Variants in SPATA33 observed in about 807,000 individuals in gnomAD.
The protein encoded by SPATA33 is spermatogenesis associated 33.
In SPATA33, 10 loss-of-function variants were observed where a neutral mutation model predicts 8.9. The ratio of observed to expected loss-of-function variants is 1.12; its 90% confidence interval spans 0.69 to 1.90. The LOEUF (loss-of-function observed/expected upper bound fraction) is 1.90, where lower values mean the gene tolerates loss of function less well. SPATA33 is among the 40% of genes most tolerant of loss of function. SPATA33 has a pLI of 0.00. For missense variants in SPATA33, 241 were observed against 178.3 expected, an observed-to-expected ratio of 1.35 and a Z score of -2.00; for synonymous variants, 96 against 72.8, an observed-to-expected ratio of 1.32 and a Z score of -1.63.
chr16:89,660,283 G>A (rs780422141), intron 2 of SPATA33: 127 of 393,392 alleles, frequency 3.2e-4, no homozygotes, highest in African/African-American at 2.3e-3. Context: ...GGAAGGCTTC[G>A]CCTGCCCAGC....
chr16:89,663,241 CTTTTT>C (rs35836835), intron 2 of SPATA33, among the ~76,000 whole-genome samples: 1 of 138,184 alleles, frequency 7.2e-6, no homozygotes, highest in Non-Finnish European at 1.6e-5. Flanking sequence ...GATTCCATTT[CTTTTT>C]TTTTTTTTTT....
upstream of SPATA33, chr16:89,657,819 T>C: frequency 6.6e-7 from 1 of 1,506,638 alleles, no homozygotes; most frequent in Non-Finnish European, 8.8e-7. Flanking sequence ...CGCACGCCGC[T>C]GGCGCGAGGA....
chr16:89,668,423 A>G (rs2377058), intron 2 of SPATA33, among the ~76,000 whole-genome samples: 57,448 of 152,152 alleles, frequency 0.38, 11,841 homozygotes, highest in African/African-American at 0.52. Flanking sequence ...CTGTAAAACA[A>G]CATGACCACT....
intron 2 of SPATA33, among the ~76,000 whole-genome samples, chr16:89,663,329 C>T (rs2059987281): frequency 1.3e-5 from 2 of 151,048 alleles, no homozygotes; most frequent in Non-Finnish European, 1.5e-5. Context: ...AATTCTACCT[C>T]GGCCTCCGGA....
rs2060083865 is a variant in SPATA33, at chr16:89,670,152, G to GGTGGGGCGGGCCTGGTGTACC, written c.*655_*656insGTGGGGCGGGCCTGGTGTACC. 7.3e-6 allele frequency: 1 copy of GGTGGGGCGGGCCTGGTGTACC among 136,422 alleles called. No homozygotes were observed. Among genetic ancestry groups the GGTGGGGCGGGCCTGGTGTACC allele is most frequent in the African/African-American group, 2.9e-5 (1 of 34,362 alleles). 8.5% of individuals were successfully genotyped at this position (136,422 alleles called of 1,614,324 possible). ...AGAAGCCGTGGCCCCCTTCTCCCGT[G>GGTGGGGCGGGCCTGGTGTACC]CTCTCAGGGAGGGTGCACCAGGCCT... On this transcript the variant is annotated 3_prime_UTR_variant, in exon 3 of 3. Transcript: ENST00000579310.
rs1410682406 is a variant in SPATA33 at position 89,669,554 on chromosome 16, C to T, written c.*57C>T. ...CTGCGATAGGCGTCTCGGGAACAGC[C>T]GCCTCACCCTGTGAGAAGCCGAGGC... On this transcript the variant is annotated 3_prime_UTR_variant, in exon 3 of 3. Transcript: ENST00000579310. The T allele has an allele frequency of 1.5e-5, 23 of 1,561,174 alleles. No individual in the cohort carries two copies. Among genetic ancestry groups the T allele is most frequent in the Middle Eastern group, 2.3e-4 (1 of 4,354 alleles).
intron 2 of SPATA33, among the ~76,000 whole-genome samples, chr16:89,663,361 C>T (rs756761184): frequency 1.1e-4 from 17 of 151,578 alleles, no homozygotes; most frequent in Middle Eastern, 3.4e-3. Flanking sequence ...TACAGGCATG[C>T]GCCACCATGC....
intron 2 of SPATA33, among the ~76,000 whole-genome samples, chr16:89,663,803 T>C (rs1329811365): frequency 6.6e-6 from 1 of 152,114 alleles, no homozygotes; most frequent in Non-Finnish European, 1.5e-5. Flanking sequence ...GTGTCGATAA[T>C]GGTACTATAG....
At chr16:89,660,821 A>T in intron 2 of SPATA33, 1 of 1,121,270 alleles carries the variant, frequency 8.9e-7, no homozygotes, top group African/African-American at 1.6e-5. Context: ...ACTGCAGTTT[A>T]GTAGTCCTGG....
intron 1 of SPATA33, 75 bp from the exon 2 acceptor site, chr16:89,658,173 G>C: frequency 6.3e-7 from 1 of 1,590,954 alleles, no homozygotes; most frequent in Non-Finnish European, 8.6e-7. Flanking sequence ...ACCCACGCAG[G>C]CGACTGAAGA....
Position 89,657,914 on chromosome 16 carries a change from G to GAT in SPATA33, c.3_4insAT (p.Gly2MetfsTer31). On this transcript the variant is annotated frameshift_variant, in exon 1 of 3. Coordinates refer to ENST00000579310, the MANE Select transcript of SPATA33 (RefSeq NM_001271907.2). LOFTEE classifies it high-confidence loss of function. Reference sequence around the variant, plus strand: ...CGGAGGGGGCGGTGGGCTCACCCATGGGCCTTTCCAAAAGCAAAGAGAAAC... The same window carrying GAT: ...CGGAGGGGGCGGTGGGCTCACCCATGATGGCCTTTCCAAAAGCAAAGAGAAAC... 6.6e-7 allele frequency: 1 copy of GAT among 1,519,756 alleles called. No individual in the cohort carries two copies. Among genetic ancestry groups the GAT allele is most frequent in the Non-Finnish European group, 8.8e-7 (1 of 1,140,708 alleles). The allele number at this position is 1,519,756 out of a possible 1,614,324, so 94.1% of individuals were successfully genotyped here. A position where few individuals can be genotyped will look rare whatever the true frequency, so the allele number is the denominator to read the frequency against.
intron 2 of SPATA33, among the ~76,000 whole-genome samples, chr16:89,664,884 C>T (rs768024682): frequency 2.0e-5 from 3 of 152,140 alleles, no homozygotes; most frequent in Non-Finnish European, 4.4e-5. Flanking sequence ...CCCCTGACGA[C>T]GAATGCAGTA....
At chr16:89,658,505 A>G (rs930390348) in intron 2 of SPATA33, 84 bp downstream of exon 2, 2 of 1,490,374 alleles carry the variant, frequency 1.3e-6, no homozygotes, top group African/African-American at 1.4e-5. Flanking sequence ...GTAAGACCCT[A>G]CCGGATGGAC....
At chr16:89,662,032 C>A (rs1233809533) in intron 2 of SPATA33, among the ~76,000 whole-genome samples, 5 of 152,150 alleles carry the variant, frequency 3.3e-5, no homozygotes, top group Admixed American at 2.0e-4. Flanking sequence ...GTGGCTCATG[C>A]TGTCATCCCA....
chr16:89,666,271 G>A (rs1408529944), intron 2 of SPATA33, among the ~76,000 whole-genome samples: 1 of 152,134 alleles, frequency 6.6e-6, no homozygotes, highest in Non-Finnish European at 1.5e-5. Flanking sequence ...AGGATCACTT[G>A]GGCCTGGGAG....
In SPATA33 at chr16:89,657,901, T is replaced by G. The variant is rs2151521336; in HGVS notation, c.-11T>G. 1 of 1,516,240 alleles carries G rather than the reference T, an allele frequency of 6.6e-7. No homozygotes were observed. The allele number at this position is 1,516,240 out of a possible 1,614,324, so 93.9% of individuals were successfully genotyped here. A position where few individuals can be genotyped will look rare whatever the true frequency, so the allele number is the denominator to read the frequency against. On this transcript the variant is annotated 5_prime_UTR_variant, in exon 1 of 3. Transcript: ENST00000579310. ...CCCGGGCTTGCGTCGGAGGGGGCGG[T>G]GGGCTCACCCATGGGCCTTTCCAAA...
chr16:89,664,521 G>C (rs1362893585), intron 2 of SPATA33, among the ~76,000 whole-genome samples: 1 of 152,126 alleles, frequency 6.6e-6, no homozygotes, highest in Non-Finnish European at 1.5e-5. Context: ...GGCCCGACCT[G>C]ATCAGGGAAG....
chr16:89,657,977 C>T (rs1456918183), intron 1 of SPATA33, 29 bp downstream of exon 1: 1 of 1,504,870 alleles, frequency 6.6e-7, no homozygotes, highest in East Asian at 2.7e-5. Flanking sequence ...CTGGGCTCCC[C>T]GCGTCTCCGC....
intron 2 of SPATA33, among the ~76,000 whole-genome samples, chr16:89,667,623 A>G (rs954185529): frequency 6.6e-6 from 1 of 152,134 alleles, no homozygotes; most frequent in Non-Finnish European, 1.5e-5. Context: ...TGATCATGCC[A>G]CAGCATTTCA....
Sources: gnomAD v4.1 joint callset for allele counts (sites outside exome capture counted in the v4.1 genomes callset) on GRCh38, gnomAD v4.1.1 for gene constraint, MANE v1.5 for transcripts, NCBI Gene and HGNC (gene_info 2026-07-23, HGNC 2026-07-21) for gene names.